Variants in HEG1 observed in about 807,000 individuals in gnomAD.
HEG1 encodes the protein protein HEG homolog 1.
HEG1 carries 56 observed loss-of-function variants against 125.6 expected under a neutral mutation model. The ratio of observed to expected loss-of-function variants is 0.45; its 90% CI spans 0.36 to 0.56. The LOEUF (loss-of-function observed/expected upper bound fraction) is 0.56. HEG1 is among the 20% of genes least tolerant of loss of function. HEG1 has a pLI of 0.00. For synonymous variants in HEG1, 644 were observed against 668.5 expected (o/e 0.96, Z 0.57); for missense variants, 1,523 against 1,670.0 (o/e 0.91, Z 1.53).
chr3:125,047,002 A>T (rs1270817785), intron 1 of HEG1, among the ~76,000 whole-genome samples: 2 of 152,246 alleles, frequency 1.3e-5, no homozygotes, highest in African/African-American at 4.8e-5. Flanking sequence ...TCCTCAGATG[A>T]CCATAGGTGA....
In HEG1 at chr3:125,002,013, C is replaced by CT; in HGVS notation, c.3357-2dup. Reference sequence around the variant, plus strand: ...TGAGATCACCACCGCGTTGGACTCCCTATAGGCAAAGTTTGTGGGTTTTTA... The same window carrying CT: ...TGAGATCACCACCGCGTTGGACTCCCTTATAGGCAAAGTTTGTGGGTTTTTA... On this transcript the variant is annotated splice_acceptor_variant, in intron 10 of 16. Coordinates refer to ENST00000311127, the MANE Select transcript of HEG1 (RefSeq NM_020733.2). LOFTEE classifies it high-confidence loss of function. The CT allele has an allele frequency of 6.2e-7, 1 of 1,613,858 alleles. No individual in the cohort carries two copies. Among genetic ancestry groups the CT allele is most frequent in the African/African-American group, 1.3e-5 (1 of 75,058 alleles).
At chr3:125,048,719 G>C (rs1464446181) in intron 1 of HEG1, among the ~76,000 whole-genome samples, 1 of 152,206 alleles carries the variant, frequency 6.6e-6, no homozygotes, top group Non-Finnish European at 1.5e-5. Context: ...GGTGACCTGA[G>C]TTACATTTTA....
At chr3:125,040,042 T>C (rs569282580) in intron 1 of HEG1, among the ~76,000 whole-genome samples, 6 of 152,310 alleles carry the variant, frequency 3.9e-5, no homozygotes, top group East Asian at 3.9e-4. Context: ...GATCAGCTTC[T>C]AACTCAGAGA....
At chr3:125,048,966 A>G (rs993083989) in intron 1 of HEG1, among the ~76,000 whole-genome samples, 1 of 152,208 alleles carries the variant, frequency 6.6e-6, no homozygotes, top group Admixed American at 6.5e-5. Flanking sequence ...AACTGCCGAC[A>G]TGGGAAGAGG....
intron 3 of HEG1, among the ~76,000 whole-genome samples, chr3:125,026,823 A>G (rs1330511870): frequency 6.6e-6 from 1 of 152,086 alleles, no homozygotes; most frequent in African/African-American, 2.4e-5. Flanking sequence ...AACATGCTGA[A>G]ACCCCGTCTC....
At chr3:124,997,878 C>T (rs550999737) in intron 11 of HEG1, 55 bp from the exon 12 acceptor site, 2 of 1,489,248 alleles carry the variant, frequency 1.3e-6, no homozygotes, top group South Asian at 1.4e-5. Context: ...CACTTCAAAC[C>T]TTAAAATCTC....
chr3:124,981,777 G>A (rs539084008), intron 14 of HEG1, among the ~76,000 whole-genome samples: 185 of 152,236 alleles, frequency 1.2e-3, no homozygotes, highest in Middle Eastern at 3.4e-3. Context: ...GCACTGCCTC[G>A]GGTAATGGTG....
At chr3:125,037,891 C>A (rs558608605) in intron 1 of HEG1, among the ~76,000 whole-genome samples, 1 of 152,170 alleles carries the variant, frequency 6.6e-6, no homozygotes, top group Non-Finnish European at 1.5e-5. Context: ...TGCTTCATGC[C>A]CCAGCTTGCC....
rs765928210 is a variant in HEG1 at position 125,027,254 on chromosome 3, C to T, written c.864G>A (p.Leu288=). The change falls in exon 3 of 17, where the codon CTG becomes CTA. Residue 288 remains leucine (L), a synonymous_variant. Transcript: ENST00000311127. ...RNSSGPDLSW[L]HFYRTAASSP... Reference sequence around the variant, plus strand: ...AGGAAGCTGCTGTCCTGTAGAAATGCAGCCAGGAGAGATCTGGTCCTGAGG... The same window carrying T: ...AGGAAGCTGCTGTCCTGTAGAAATGTAGCCAGGAGAGATCTGGTCCTGAGG... 4.5e-5 allele frequency: 73 copies of T among 1,612,176 alleles called. No homozygotes were observed. Among genetic ancestry groups the T allele is most frequent in the Non-Finnish European group, 5.9e-5 (69 of 1,179,270 alleles).
At position 125,042,153 on chromosome 3, in the gene HEG1, C is replaced by T. The variant is rs142399045; in HGVS notation, c.317-12665G>A. 6.7e-3 allele frequency among the ~76,000 whole-genome samples: 1,025 copies of T among 152,302 alleles called. 20 individuals are homozygous for T. Among genetic ancestry groups the T allele is most frequent in the Non-Finnish European group, 9.5e-3 (643 of 68,026 alleles). ...AAATGTATGTATTTACTAGGCCAAACGCAGTGGCTCATGCCTGTAATCCCA... is the reference window on the plus strand; with the variant it reads ...AAATGTATGTATTTACTAGGCCAAATGCAGTGGCTCATGCCTGTAATCCCA... On this transcript the variant is annotated intron_variant, in intron 1 of 16. Coordinates refer to ENST00000311127, the MANE Select transcript of HEG1 (RefSeq NM_020733.2).
At chr3:125,039,156 G>A (rs1012248187) in intron 1 of HEG1, among the ~76,000 whole-genome samples, 34 of 151,918 alleles carry the variant, frequency 2.2e-4, no homozygotes, top group Admixed American at 2.1e-3. Context: ...TAACAAGAGC[G>A]TTTTATTGCT....
intron 1 of HEG1, among the ~76,000 whole-genome samples, chr3:125,051,015 A>G (rs1185523374): frequency 1.3e-5 from 2 of 152,160 alleles, no homozygotes; most frequent in South Asian, 2.1e-4. Context: ...CTGCCTCACA[A>G]TGTCAGCCAC....
intron 9 of HEG1, 22 bp downstream of exon 9, chr3:125,005,243 A>T: frequency 7.2e-7 from 1 of 1,393,554 alleles, no homozygotes; most frequent in East Asian, 2.3e-5. Context: ...ACGAGTAGAA[A>T]GATGCCATTC....
Position 125,012,836 on chromosome 3 carries a change from T to A in HEG1, c.2743A>T (p.Ile915Phe). The A allele has an allele frequency of 6.2e-7, 1 of 1,614,010 alleles. No individual in the cohort carries two copies. The highest frequency in any genetic ancestry group is 8.5e-7 in the Non-Finnish European group (1 of 1,179,866). ...GATGTGGGTACACTGGTCAAAGGGA[T>A]CAATCCAGTGGTAGCATCCACAATC... is the stretch of plus-strand genomic sequence containing the variant. ...RVIVDATTGL[I>F]PLTSVPTSAK... The change falls in exon 6 of 17, where the codon ATC becomes TTC. Residue 915 changes from isoleucine to phenylalanine, a missense_variant. By Grantham distance (21) the Ile-to-Phe change is conservative (BLOSUM62 0). Transcript: ENST00000311127.
chr3:125,034,641 A>G (rs970659369), intron 1 of HEG1, among the ~76,000 whole-genome samples: 2 of 152,108 alleles, frequency 1.3e-5, no homozygotes, highest in Non-Finnish European at 2.9e-5. Flanking sequence ...CTACAAAAAA[A>G]TAAACAAAAT....
At position 125,012,885 on chromosome 3, in the gene HEG1, G is replaced by A. The variant is rs1937176714; in HGVS notation, c.2694C>T (p.Gly898=). ...ILVPQISTEG[G]ISTERNRVIV... ...TCACTCGGTTCCTTTCTGTGCTGAT[G>A]CCACCTTCTGTTGAGATTTGAGGAA... The change falls in exon 6 of 17, where the codon GGC becomes GGT. Residue 898 remains glycine (G), a synonymous_variant. Transcript: ENST00000311127. 6.2e-7 allele frequency: 1 copy of A among 1,614,070 alleles called. No homozygotes were observed. The highest frequency in any genetic ancestry group is 8.5e-7 in the Non-Finnish European group (1 of 1,179,898).
At chr3:125,022,711 AAAGAAAAG>A (rs1937354373) in intron 3 of HEG1, among the ~76,000 whole-genome samples, 1 of 130,832 alleles carries the variant, frequency 7.6e-6, no homozygotes, top group African/African-American at 2.7e-5. Context: ...AAATAAATAA[AAAGAAAAG>A]AAAGCATTAT....
At chr3:125,047,352 T>C (rs1051325158) in intron 1 of HEG1, among the ~76,000 whole-genome samples, 1 of 152,268 alleles carries the variant, frequency 6.6e-6, no homozygotes, top group Non-Finnish European at 1.5e-5. Flanking sequence ...CCGTCTACTT[T>C]ACAGGTGTTA....
At chr3:124,998,380 A>G (rs1222204091) in intron 11 of HEG1, among the ~76,000 whole-genome samples, 1 of 152,206 alleles carries the variant, frequency 6.6e-6, no homozygotes, top group Non-Finnish European at 1.5e-5. Context: ...TGCTGCCTAC[A>G]AGAGACTGGT....
Sources: allele counts gnomAD v4.1 joint callset (sites outside exome capture counted in the v4.1 genomes callset), GRCh38; gene constraint gnomAD v4.1.1; transcripts MANE v1.5; gene names NCBI Gene and HGNC (gene_info 2026-07-23, HGNC 2026-07-21).